The following HARS2 variants were observed in gnomAD, a reference collection of about 807,000 sequenced individuals.
HARS2 encodes the protein histidine--tRNA ligase, mitochondrial.
Under a neutral mutation model 62.4 loss-of-function variants are expected in HARS2, and 40 were observed. That is an observed-to-expected ratio of 0.64 (90% CI 0.50 to 0.83). The LOEUF is 0.83. Among genes scored for constraint, HARS2 ranks in the 40% least tolerant of loss-of-function variants. The probability of loss-of-function intolerance (pLI) is 0.00; values close to 1 mark genes in which losing one functional copy is unlikely to be tolerated. For synonymous variants in HARS2, 228 were observed against 227.0 expected (o/e 1.00, Z -0.04); for missense variants, 569 against 626.4 (o/e 0.91, Z 0.98).
At chr5:140,698,206 C>G (rs758399549) in intron 12 of HARS2, 128 bp downstream of exon 12, 6 of 966,784 alleles carry the variant, frequency 6.2e-6, no homozygotes, top group Non-Finnish European at 9.6e-6. Context: ...AACAAACACT[C>G]ACTCAAGATG....
Position 140,697,402 on chromosome 5 carries a change from T to C in HARS2, c.1193T>C (p.Met398Thr). ...ERIFYIVEQRMKTKGEKVRTT... is the reference protein window; with the variant it reads ...ERIFYIVEQRTKTKGEKVRTT... ...ATCTTCTACATTGTGGAGCAGAGGA[T>C]GAAGGTAGGTCCTAGATAGGTGTGA... Residue 398 changes from methionine to threonine, a missense_variant, in exon 10 of 13, where the codon ATG becomes ACG. Coordinates refer to ENST00000230771, the MANE Select transcript of HARS2 (RefSeq NM_012208.4). The C allele has an allele frequency of 7.4e-6, 12 of 1,613,828 alleles. No individual in the cohort carries two copies. Among genetic ancestry groups the C allele is most frequent in the Non-Finnish European group, 1.0e-5 (12 of 1,180,008 alleles).
intron 7 of HARS2, 103 bp downstream of exon 7, chr5:140,696,304 T>C: frequency 2.2e-6 from 2 of 926,250 alleles, no homozygotes; most frequent in Non-Finnish European, 1.8e-6. Flanking sequence ...GGAAGTGGGC[T>C]ATTTTGGGGT....
chr5:140,695,726 T>G lies in HARS2; in HGVS notation c.526-12T>G. Reference sequence around the variant, plus strand: ...TAATGGATGTTTTTTCCCATCTTTTTCTTTGCTGTAGGATTTTGACATTGC... The same window carrying G: ...TAATGGATGTTTTTTCCCATCTTTTGCTTTGCTGTAGGATTTTGACATTGC... On this transcript the variant is annotated splice_polypyrimidine_tract_variant and intron_variant, in intron 5 of 12. Transcript: ENST00000230771. 6.2e-7 allele frequency: 1 copy of G among 1,613,700 alleles called. No individual in the cohort carries two copies. The highest frequency in any genetic ancestry group is 8.5e-7 in the Non-Finnish European group (1 of 1,179,558).
intron 7 of HARS2, 149 bp downstream of exon 7, chr5:140,696,350 A>G: frequency 1.2e-6 from 1 of 800,042 alleles, no homozygotes; most frequent in South Asian, 1.4e-5. Flanking sequence ...GGAAGATCTG[A>G]GTCATGCTAT....
In HARS2 at chr5:140,698,669, T is replaced by G; in HGVS notation, c.*117T>G. The G allele has an allele frequency of 3.5e-6, 3 of 849,900 alleles. No individual in the cohort carries two copies. In the Admixed American group the frequency reaches 5.1e-5, roughly 14 times the overall value. 52.6% of individuals were successfully genotyped at this position (849,900 alleles called of 1,614,324 possible). A position where few individuals can be genotyped will look rare whatever the true frequency, so the allele number is the denominator to read the frequency against. On this transcript the variant is annotated 3_prime_UTR_variant, in exon 13 of 13. Coordinates refer to ENST00000230771, the MANE Select transcript of HARS2 (RefSeq NM_012208.4). ...CTAGCCAGGAAGGGTGACAAGTACC[T>G]TCTGCCTCCTCCATTCTTCCTGGGT...
At position 140,698,760 on chromosome 5, in the gene HARS2, A is replaced by G; in HGVS notation, c.*208A>G. Reference sequence around the variant, plus strand: ...GAGCAGCTATTCTGCATGGGTGCAGATGGCTGGATGTGAAAGAGACATGCT... The same window carrying G: ...GAGCAGCTATTCTGCATGGGTGCAGGTGGCTGGATGTGAAAGAGACATGCT... On this transcript the variant is annotated 3_prime_UTR_variant, in exon 13 of 13. Transcript: ENST00000230771. The G allele has an allele frequency of 1.6e-6, 1 of 613,150 alleles. No homozygotes were observed. The highest frequency in any genetic ancestry group is 2.9e-6 in the Non-Finnish European group (1 of 342,324). The allele number at this position is 613,150 out of a possible 1,614,324, so 38.0% of individuals were successfully genotyped here.
chr5:140,698,662 A>C lies in HARS2; in HGVS notation c.*110A>C. The C allele has an allele frequency of 1.1e-6, 1 of 894,184 alleles. No individual in the cohort carries two copies. Among genetic ancestry groups the C allele is most frequent in the South Asian group, 1.3e-5 (1 of 76,604 alleles). 55.4% of individuals were successfully genotyped at this position (894,184 alleles called of 1,614,324 possible). A position where few individuals can be genotyped will look rare whatever the true frequency, so the allele number is the denominator to read the frequency against. Reference sequence around the variant, plus strand: ...ACAACAACTAGCCAGGAAGGGTGACAAGTACCTTCTGCCTCCTCCATTCTT... The same window carrying C: ...ACAACAACTAGCCAGGAAGGGTGACCAGTACCTTCTGCCTCCTCCATTCTT... On this transcript the variant is annotated 3_prime_UTR_variant, in exon 13 of 13. Coordinates refer to ENST00000230771, the MANE Select transcript of HARS2 (RefSeq NM_012208.4).
chr5:140,697,981 A>G lies in HARS2; in HGVS notation c.1364A>G (p.Tyr455Cys), dbSNP rs1271579967. ...CCCAAACTATTAACCCAGCTGCACT[A>G]TTGTGAGAGCACAGGCATTCCACTG... ...NNPKLLTQLH[Y>C]CESTGIPLVV... The change falls in exon 12 of 13, where the codon TAT (tyrosine) becomes TGT (cysteine). Residue 455 changes from tyrosine to cysteine, a missense_variant. Tyr to Cys is a radical substitution (Grantham distance 194). Coordinates refer to ENST00000230771, the MANE Select transcript of HARS2 (RefSeq NM_012208.4). The G allele has an allele frequency of 1.9e-6, 3 of 1,613,790 alleles. No homozygotes were observed. The highest frequency in any genetic ancestry group is 1.1e-5 in the South Asian group (1 of 91,088).
Sources: allele counts gnomAD v4.1 joint callset, GRCh38; gene constraint gnomAD v4.1.1; transcripts MANE v1.5; gene names NCBI Gene and HGNC (gene_info 2026-07-23, HGNC 2026-07-21).